The following SKIC8 variants were observed in gnomAD, a reference collection of about 807,000 sequenced individuals.
SKIC8 encodes superkiller complex protein 8.
At chr15:78,283,397 T>C in the SKIC8 span, 1 of 1,541,520 alleles carries the variant, frequency 6.5e-7, no homozygotes, top group Admixed American at 1.7e-5. Context: ...AATCCGTACA[T>C]TCTCTTTGCA....
chr15:78,287,744 G>A, the SKIC8 span, among the ~76,000 whole-genome samples: 4 of 152,180 alleles, frequency 2.6e-5, no homozygotes, highest in Middle Eastern at 3.2e-3. Context: ...ATAGGGGTCC[G>A]CACAGATTTA....
chr15:78,295,401 C>CTT, the SKIC8 span: 8,697 of 393,802 alleles, frequency 0.022, 56 homozygotes, highest in South Asian at 0.036. Context: ...CTATTCTGAT[C>CTT]TTTTTTTTTT....
the SKIC8 span, chr15:78,296,119 A>G: frequency 1.5e-4 from 23 of 156,070 alleles, no homozygotes; most frequent in East Asian, 4.3e-3. Flanking sequence ...TTTTACATGC[A>G]AAAGTCTCAA....
At chr15:78,291,103 A>G in the SKIC8 span, 2 of 150,590 alleles carry the variant, frequency 1.3e-5, no homozygotes, top group African/African-American at 2.5e-5. Flanking sequence ...TTTTTCTTTC[A>G]TAACAGTAAC....
the SKIC8 span, chr15:78,286,256 C>A: frequency 1.4e-6 from 1 of 737,456 alleles, no homozygotes; most frequent in Non-Finnish European, 2.2e-6. Flanking sequence ...TTATAATGAC[C>A]ATGAATACTA....
chr15:78,286,181 T>TGATTATACTGTAGAA, the SKIC8 span: 1 of 1,521,400 alleles, frequency 6.6e-7, no homozygotes, highest in Non-Finnish European at 9.1e-7. Flanking sequence ...ATTTCTACAG[T>TGATTATACTGTAGAA]ATAATCACTG....
At chr15:78,289,013 C>A in the SKIC8 span, 1 of 410,182 alleles carries the variant, frequency 2.4e-6, no homozygotes, top group South Asian at 1.8e-5. Context: ...TATATATTAA[C>A]ACACACATAC....
At chr15:78,294,780 T>C in the SKIC8 span, 1 of 611,958 alleles carries the variant, frequency 1.6e-6, no homozygotes, top group South Asian at 2.6e-5. Context: ...TTGTTGTTGT[T>C]GTTGTTGTTG....
the SKIC8 span, among the ~76,000 whole-genome samples, chr15:78,297,372 G>T: frequency 1.8e-4 from 27 of 152,174 alleles, no homozygotes; most frequent in African/African-American, 6.3e-4. Context: ...CAAAAGCATT[G>T]TAAGTATTAA....
At chr15:78,286,345 T>C in the SKIC8 span, 2 of 464,698 alleles carry the variant, frequency 4.3e-6, no homozygotes, top group Non-Finnish European at 7.7e-6. Context: ...CCATAATGTG[T>C]TGACACCACC....
At chr15:78,292,551 T>A in the SKIC8 span, 2 of 1,604,700 alleles carry the variant, frequency 1.2e-6, no homozygotes, top group East Asian at 2.2e-5. Context: ...ACACATTCTA[T>A]CCCTAAAGAT....
chr15:78,284,820 TA>T, the SKIC8 span: 746 of 147,704 alleles, frequency 5.1e-3, no homozygotes, highest in Middle Eastern at 0.014. Flanking sequence ...TCTACTATAT[TA>T]AAAAAAAAAA....
chr15:78,286,293 T>A, the SKIC8 span: 229 of 608,312 alleles, frequency 3.8e-4, 2 homozygotes, highest in South Asian at 5.3e-3. Context: ...TTCAATGAAG[T>A]AGCTTCATGC....
At chr15:78,294,081 C>G in the SKIC8 span, among the ~76,000 whole-genome samples, 1 of 152,220 alleles carries the variant, frequency 6.6e-6, no homozygotes, top group Admixed American at 6.5e-5. Context: ...GCACCACAGA[C>G]AGCGTTGTGG....
At chr15:78,286,568 T>C in the SKIC8 span, 1 of 162,954 alleles carries the variant, frequency 6.1e-6, no homozygotes, top group Non-Finnish European at 1.3e-5. Flanking sequence ...CCAAGGAAAG[T>C]GTCAAGATGT....
the SKIC8 span, chr15:78,299,514 A>T: frequency 6.5e-6 from 1 of 152,826 alleles, no homozygotes; most frequent in Non-Finnish European, 1.5e-5. Flanking sequence ...CTGGACTGTC[A>T]ACGGCCCTAA....
the SKIC8 span, chr15:78,284,648 C>G: frequency 1.3e-5 from 2 of 152,120 alleles, no homozygotes; most frequent in African/African-American, 2.4e-5. Context: ...CCAGGGGATA[C>G]GAGCACACAT....
At chr15:78,286,127 A>G in the SKIC8 span, 1 of 1,609,804 alleles carries the variant, frequency 6.2e-7, no homozygotes, top group Middle Eastern at 1.7e-4. Flanking sequence ...CCAAATTGGC[A>G]TGTTGTCTGA....
At chr15:78,285,247 TA>T in the SKIC8 span, 1 of 1,613,086 alleles carries the variant, frequency 6.2e-7, no homozygotes, top group East Asian at 2.2e-5. Context: ...AAAGATGAAA[TA>T]ATAATGCCAT....
Sources: allele counts gnomAD v4.1 joint callset (sites outside exome capture counted in the v4.1 genomes callset), GRCh38; gene constraint gnomAD v4.1.1; transcripts MANE v1.5; gene names NCBI Gene and HGNC (gene_info 2026-07-23, HGNC 2026-07-21).